The following TBK1 variants were observed in gnomAD, a reference collection of about 807,000 sequenced individuals.
TBK1 encodes the protein serine/threonine-protein kinase TBK1.
TBK1 carries 37 observed loss-of-function variants against 99.9 expected under a neutral mutation model. The observed-to-expected ratio is 0.37, with a 90% confidence interval of 0.28 to 0.49. The LOEUF is 0.49. TBK1 is among the 20% of genes least tolerant of loss of function. The pLI is 0.98. For synonymous variants in TBK1, 258 were observed against 279.8 expected, an observed-to-expected ratio of 0.92 and a Z score of 0.78; for missense variants, 644 against 872.5, an observed-to-expected ratio of 0.74 and a Z score of 3.30.
At chr12:64,487,319 C>T (rs2040829455) in intron 11 of TBK1, among the ~76,000 whole-genome samples, 1 of 152,228 alleles carries the variant, frequency 6.6e-6, no homozygotes, top group Non-Finnish European at 1.5e-5. Context: ...TATGTATGTG[C>T]CCTTGGACTG....
At chr12:64,459,506 G>A (rs2136056053) in intron 2 of TBK1, among the ~76,000 whole-genome samples, 1 of 152,288 alleles carries the variant, frequency 6.6e-6, no homozygotes, top group Middle Eastern at 3.4e-3. Flanking sequence ...CATCAGTAGA[G>A]AAGAAGAAAT....
In TBK1 at chr12:64,455,907, G is replaced by A; in HGVS notation, c.37G>A (p.Asp13Asn). The change falls in exon 2 of 21, where the codon GAT becomes AAT. Residue 13 changes from aspartate (D) to asparagine (N), a missense_variant. Physicochemically the swap from Asp to Asn is conservative, Grantham distance 23. Transcript: ENST00000331710. ...STSNHLWLLS[D>N]ILGQGATANV... ...TTCTAATCATCTGTGGCTTTTATCTGATATTTTAGGCCAAGGAGCTACTGC... is the reference window on the plus strand; with the variant it reads ...TTCTAATCATCTGTGGCTTTTATCTAATATTTTAGGCCAAGGAGCTACTGC... 6.2e-7 allele frequency: 1 copy of A among 1,613,886 alleles called. No individual in the cohort carries two copies. The highest frequency in any genetic ancestry group is 1.1e-5 in the South Asian group (1 of 91,038).
At position 64,485,504 on chromosome 12, in the gene TBK1, C is replaced by T; in HGVS notation, c.1239C>T (p.Ser413=). 1 of 1,543,692 alleles carries T rather than the reference C, an allele frequency of 6.5e-7. No individual in the cohort carries two copies. Among genetic ancestry groups the T allele is most frequent in the Non-Finnish European group, 8.9e-7 (1 of 1,127,262 alleles). Residue 413 remains serine, a synonymous_variant, in exon 10 of 21, where the codon AGC becomes AGT. Coordinates refer to ENST00000331710, the MANE Select transcript of TBK1 (RefSeq NM_013254.4). ...HPRYDLDGDA[S]MAKAITGVVC... ...GTTATGATTTAGACGGGGATGCTAGCATGGCTAAGGTTAGTATTTAATTTA... is the reference window on the plus strand; with the variant it reads ...GTTATGATTTAGACGGGGATGCTAGTATGGCTAAGGTTAGTATTTAATTTA...
chr12:64,461,182 G>T (rs1379730672), intron 3 of TBK1, among the ~76,000 whole-genome samples: 2 of 150,908 alleles, frequency 1.3e-5, no homozygotes, highest in African/African-American at 4.9e-5. Flanking sequence ...ATTATAAAGA[G>T]AAAAAATAAT....
intron 6 of TBK1, among the ~76,000 whole-genome samples, chr12:64,475,631 C>T (rs543856643): frequency 2.0e-5 from 3 of 152,120 alleles, no homozygotes; most frequent in Non-Finnish European, 4.4e-5. Context: ...TTTTTTGTTT[C>T]TGCATTAGTT....
intron 13 of TBK1, among the ~76,000 whole-genome samples, chr12:64,495,117 T>C (rs539483435): frequency 6.6e-6 from 1 of 152,312 alleles, no homozygotes; most frequent in African/African-American, 2.4e-5. Flanking sequence ...ACAGTTGATA[T>C]TTGGAACTAT....
intron 5 of TBK1, 138 bp downstream of exon 5, chr12:64,467,220 G>A (rs895641853): frequency 4.9e-6 from 3 of 614,598 alleles, no homozygotes; most frequent in African/African-American, 1.9e-5. Context: ...ATGAATATGT[G>A]CAACATGGGA....
At chr12:64,496,491 T>A in intron 16 of TBK1, 85 bp downstream of exon 16, 2 of 625,608 alleles carry the variant, frequency 3.2e-6, no homozygotes, top group Non-Finnish European at 5.0e-6. Flanking sequence ...AAGTTGAAAT[T>A]AATTACAATT....
At chr12:64,483,607 T>TA (rs1455850056) in intron 8 of TBK1, among the ~76,000 whole-genome samples, 3 of 152,322 alleles carry the variant, frequency 2.0e-5, no homozygotes, top group African/African-American at 7.2e-5. Context: ...TTAAGTCACT[T>TA]ACGGTTTTAT....
At chr12:64,473,708 T>C (rs191936686) in intron 5 of TBK1, among the ~76,000 whole-genome samples, 1 of 152,164 alleles carries the variant, frequency 6.6e-6, no homozygotes, top group African/African-American at 2.4e-5. Flanking sequence ...CTTAAGGTCC[T>C]CAAGGATCAC....
chr12:64,501,664 C>T lies in TBK1; in HGVS notation c.*283C>T. 3.2e-6 allele frequency: 1 copy of T among 308,288 alleles called. No homozygotes were observed. 19.1% of individuals were successfully genotyped at this position (308,288 alleles called of 1,614,324 possible). ...ACCAATATGTTGACATACTGATCCT[C>T]TACTCTGAGTGGGGCTAAATAAGTT... On this transcript the variant is annotated 3_prime_UTR_variant, in exon 21 of 21. Transcript: ENST00000331710.
intron 2 of TBK1, among the ~76,000 whole-genome samples, chr12:64,459,643 G>T (rs759649577): frequency 2.0e-5 from 3 of 152,106 alleles, no homozygotes; most frequent in African/African-American, 4.8e-5. Flanking sequence ...CTTTAGCCTC[G>T]CTCTGCAACT....
chr12:64,466,287 A>G (rs2040602462), intron 4 of TBK1, among the ~76,000 whole-genome samples: 2 of 152,192 alleles, frequency 1.3e-5, no homozygotes, highest in Admixed American at 6.5e-5. Context: ...GTTATCACTC[A>G]GTGACACTGT....
chr12:64,454,923 CG>C (rs2040469601), intron 1 of TBK1, among the ~76,000 whole-genome samples: 1 of 151,392 alleles, frequency 6.6e-6, no homozygotes, highest in African/African-American at 2.4e-5. Context: ...GTGATCCGCC[CG>C]CCTCGGCCTC....
intron 13 of TBK1, among the ~76,000 whole-genome samples, chr12:64,491,228 A>G (rs1266790580): frequency 6.6e-6 from 1 of 152,080 alleles, no homozygotes; most frequent in African/African-American, 2.4e-5. Context: ...AAGGCCTTTT[A>G]ATTCTTTGCA....
rs531707199 is a variant in TBK1, at chr12:64,464,298, TTA to T, written c.229-34_229-33del. 1.7e-3 allele frequency: 2,525 copies of T among 1,516,350 alleles called. 18 individuals carry two copies. The highest frequency in any genetic ancestry group is 0.012 in the Middle Eastern group (60 of 5,004). The allele number at this position is 1,516,350 out of a possible 1,614,324, so 93.9% of individuals were successfully genotyped here. A position where few individuals can be genotyped will look rare whatever the true frequency, so the allele number is the denominator to read the frequency against. On this transcript the variant is annotated intron_variant, in intron 3 of 20. Coordinates refer to ENST00000331710, the MANE Select transcript of TBK1 (RefSeq NM_013254.4). ...CTGGCATATAATCAAAATTTATTTT[TTA>T]TGTTGATTCCCAATCAATGATTTTT...
At chr12:64,461,604 C>G (rs1363487150) in intron 3 of TBK1, among the ~76,000 whole-genome samples, 1 of 152,186 alleles carries the variant, frequency 6.6e-6, no homozygotes, top group East Asian at 1.9e-4. Flanking sequence ...ATTAGCCAAA[C>G]TCAAGATTAA....
At position 64,493,056 on chromosome 12, in the gene TBK1, C is replaced by A; in HGVS notation, c.1522-2427C>A. Among the ~76,000 whole-genome samples the A allele has an allele frequency of 2.0e-5, 3 of 151,966 alleles. No homozygotes were observed. In the South Asian group the frequency reaches 6.2e-4, roughly 32 times the overall value. ...GACTACAGGCTTCCACCACCAGGCC[C>A]GGCTAATTTTTGCATTTTTAGTAGA... is the stretch of plus-strand genomic sequence containing the variant. On this transcript the variant is annotated intron_variant, in intron 13 of 20. Transcript: ENST00000331710.
At chr12:64,468,110 C>T (rs1195396925) in intron 5 of TBK1, among the ~76,000 whole-genome samples, 1 of 152,080 alleles carries the variant, frequency 6.6e-6, no homozygotes, top group Non-Finnish European at 1.5e-5. Flanking sequence ...ATCCCTTGAG[C>T]CCAGGAATTT....
Sources: allele counts gnomAD v4.1 joint callset (sites outside exome capture counted in the v4.1 genomes callset), GRCh38; gene constraint gnomAD v4.1.1; transcripts MANE v1.5; gene names NCBI Gene and HGNC (gene_info 2026-07-23, HGNC 2026-07-21).